Variants in CRY1 observed in about 807,000 individuals in gnomAD.
CRY1 encodes cryptochrome-1.
CRY1 carries 45 observed loss-of-function variants against 76.0 expected under a neutral mutation model. The ratio of observed to expected loss-of-function variants is 0.59; its 90% CI spans 0.47 to 0.76. The LOEUF (loss-of-function observed/expected upper bound fraction) is 0.76, where lower values mean the gene tolerates loss of function less well. Ranked by LOEUF, CRY1 falls within the 30% of genes least tolerant of loss-of-function variation. CRY1 has a pLI of 0.00. For missense variants in CRY1, 587 were observed against 716.4 expected (o/e 0.82, Z 2.06); for synonymous variants, 248 against 244.0 (o/e 1.02, Z -0.15).
At chr12:107,035,262 T>C (rs1952721654) in intron 1 of CRY1, among the ~76,000 whole-genome samples, 1 of 152,170 alleles carries the variant, frequency 6.6e-6, no homozygotes, top group African/African-American at 2.4e-5. Context: ...TGGTCAAGAT[T>C]TTTCTCGTAC....
chr12:107,044,283 G>A lies in CRY1; in HGVS notation c.159-22091C>T, dbSNP rs185107100. 8.7e-4 allele frequency among the ~76,000 whole-genome samples: 133 copies of A among 152,284 alleles called. 1 individual carries two copies. The highest frequency in any genetic ancestry group is 1.3e-3 in the Non-Finnish European group (91 of 68,018). ...CTTGGCTAAGTCTCCTAATTGTGGG[G>A]AAAATGAGAATAGAAGAATCCCAAA... is the stretch of plus-strand genomic sequence containing the variant. On this transcript the variant is annotated intron_variant, in intron 1 of 12. Coordinates refer to ENST00000008527, the MANE Select transcript of CRY1 (RefSeq NM_004075.5).
At chr12:107,025,152 G>A (rs1952594289) in intron 1 of CRY1, among the ~76,000 whole-genome samples, 1 of 152,174 alleles carries the variant, frequency 6.6e-6, no homozygotes, top group Non-Finnish European at 1.5e-5. Flanking sequence ...CCCCGTTAGG[G>A]AGTGGGGGTT....
chr12:107,075,800 G>A (rs943503330), intron 1 of CRY1, among the ~76,000 whole-genome samples: 3 of 152,146 alleles, frequency 2.0e-5, no homozygotes, highest in Admixed American at 1.3e-4. Flanking sequence ...TGGTGGCCTG[G>A]ATATTATGAT....
chr12:107,090,966 T>C (rs1271170522), intron 1 of CRY1, among the ~76,000 whole-genome samples: 1 of 152,134 alleles, frequency 6.6e-6, no homozygotes, highest in African/African-American at 2.4e-5. Context: ...CCAAAAATTT[T>C]CTCAAACAGT....
At chr12:107,030,634 T>G (rs953274504) in intron 1 of CRY1, among the ~76,000 whole-genome samples, 2 of 152,234 alleles carry the variant, frequency 1.3e-5, no homozygotes, top group African/African-American at 2.4e-5. Context: ...AAGCATAATC[T>G]TCTTGCAGGA....
intron 1 of CRY1, among the ~76,000 whole-genome samples, chr12:107,027,619 A>AT (rs993491297): frequency 1.4e-4 from 21 of 152,234 alleles, no homozygotes; most frequent in Non-Finnish European, 2.4e-4. Flanking sequence ...CATTTTAAGG[A>AT]TTTTTTTCCT....
chr12:107,029,688 A>G (rs1479928180), intron 1 of CRY1, among the ~76,000 whole-genome samples: 1 of 151,976 alleles, frequency 6.6e-6, no homozygotes, highest in Non-Finnish European at 1.5e-5. Context: ...TGAAGGAGTG[A>G]TACTGTTAAT....
chr12:107,012,783 C>T (rs948839775), intron 2 of CRY1, among the ~76,000 whole-genome samples: 3 of 152,078 alleles, frequency 2.0e-5, no homozygotes, highest in African/African-American at 7.2e-5. Context: ...TCAACATTAA[C>T]AGCAATTTGG....
intron 1 of CRY1, among the ~76,000 whole-genome samples, chr12:107,047,122 A>C (rs1317476939): frequency 6.6e-6 from 1 of 152,234 alleles, no homozygotes; most frequent in African/African-American, 2.4e-5. Context: ...ACCACACGTT[A>C]GGTCACAAAA....
intron 1 of CRY1, among the ~76,000 whole-genome samples, chr12:107,083,220 A>C (rs1322094452): frequency 6.6e-6 from 1 of 152,212 alleles, no homozygotes; most frequent in Non-Finnish European, 1.5e-5. Flanking sequence ...AACCAAAAAA[A>C]GCCCAGGACT....
intron 1 of CRY1, among the ~76,000 whole-genome samples, chr12:107,060,593 A>G (rs1953034238): frequency 6.6e-6 from 1 of 152,232 alleles, no homozygotes; most frequent in Non-Finnish European, 1.5e-5. Flanking sequence ...TAGAAAAGTT[A>G]AATATCCTAC....
At chr12:107,086,127 T>C (rs1327446871) in intron 1 of CRY1, among the ~76,000 whole-genome samples, 1 of 151,984 alleles carries the variant, frequency 6.6e-6, no homozygotes. Context: ...AACTTAAGAG[T>C]AATGACTTAA....
intron 2 of CRY1, among the ~76,000 whole-genome samples, chr12:107,019,457 T>G (rs755940511): frequency 6.6e-6 from 1 of 152,200 alleles, no homozygotes; most frequent in Admixed American, 6.5e-5. Context: ...TTAGGGCCCA[T>G]GTGGAAACCC....
At chr12:107,083,871 G>A (rs537129232) in intron 1 of CRY1, among the ~76,000 whole-genome samples, 1 of 152,194 alleles carries the variant, frequency 6.6e-6, no homozygotes, top group East Asian at 1.9e-4. Context: ...GAAATAAAGG[G>A]TATTCAAATA....
At chr12:107,070,666 T>TTTTATTTATTTA (rs376585116) in intron 1 of CRY1, among the ~76,000 whole-genome samples, 78 of 139,690 alleles carry the variant, frequency 5.6e-4, no homozygotes, top group Middle Eastern at 3.8e-3. Flanking sequence ...ATTCTCTTAT[T>TTTTATTTATTTA]TTTATTTATT....
intron 10 of CRY1, among the ~76,000 whole-genome samples, chr12:106,993,788 A>G (rs922987193): frequency 2.0e-5 from 3 of 152,092 alleles, no homozygotes; most frequent in African/African-American, 7.2e-5. Context: ...AGTTGTTTTA[A>G]TTTGCATTTC....
intron 2 of CRY1, among the ~76,000 whole-genome samples, chr12:107,017,344 A>G (rs1424593718): frequency 6.6e-6 from 1 of 152,208 alleles, no homozygotes; most frequent in East Asian, 1.9e-4. Context: ...TCTGCCTTCC[A>G]TGCTCCTTCC....
chr12:107,090,110 G>T (rs10778530), intron 1 of CRY1, among the ~76,000 whole-genome samples: 73,374 of 149,310 alleles, frequency 0.49, 19,289 homozygotes, highest in East Asian at 0.72. Flanking sequence ...TTTTTTTTGA[G>T]ACAGAGTCTG....
chr12:107,021,096 C>G (rs541014921), intron 2 of CRY1, among the ~76,000 whole-genome samples: 1 of 152,212 alleles, frequency 6.6e-6, no homozygotes, highest in African/African-American at 2.4e-5. Context: ...CCAGCCTGAC[C>G]AACATGGTGA....
Sources: gnomAD v4.1 joint callset for allele counts (sites outside exome capture counted in the v4.1 genomes callset) on GRCh38, gnomAD v4.1.1 for gene constraint, MANE v1.5 for transcripts, NCBI Gene and HGNC (gene_info 2026-07-23, HGNC 2026-07-21) for gene names.